Variants in PAPPA2 observed in about 807,000 individuals in gnomAD.
The protein encoded by PAPPA2 is pappalysin-2.
A neutral mutation model predicts 176.4 loss-of-function variants in PAPPA2; 86 were observed. The ratio of observed to expected loss-of-function variants is 0.49; its 90% CI spans 0.41 to 0.58. PAPPA2 has a LOEUF of 0.58. Among genes scored for constraint, PAPPA2 ranks in the 20% least tolerant of loss-of-function variants. The pLI, the probability that PAPPA2 is intolerant of heterozygous loss-of-function variation, is 0.00. For synonymous variants in PAPPA2, 809 were observed against 852.2 expected (o/e 0.95, Z 0.88); for missense variants, 2,073 against 2,256.9 (o/e 0.92, Z 1.65).
chr1:176,615,597 G>A (rs1655160095), intron 3 of PAPPA2, among the ~76,000 whole-genome samples: 1 of 152,174 alleles, frequency 6.6e-6, no homozygotes, highest in Non-Finnish European at 1.5e-5. Flanking sequence ...AAAGTGTTGG[G>A]ATTACAGGCG....
chr1:176,613,596 C>A (rs1352817471), intron 3 of PAPPA2, among the ~76,000 whole-genome samples: 2 of 152,196 alleles, frequency 1.3e-5, no homozygotes, highest in African/African-American at 4.8e-5. Flanking sequence ...TCAAAACTAT[C>A]TTTTGAGGCT....
intron 1 of PAPPA2, among the ~76,000 whole-genome samples, chr1:176,481,321 A>G (rs1652391955): frequency 6.6e-6 from 1 of 150,616 alleles, no homozygotes; most frequent in Admixed American, 6.7e-5. Flanking sequence ...CTTTTTGGCA[A>G]CAGGGCCATC....
intron 16 of PAPPA2, 52 bp from the exon 17 acceptor site, chr1:176,770,915 C>T (rs1571303254): frequency 1.3e-6 from 2 of 1,543,622 alleles, no homozygotes; most frequent in Middle Eastern, 2.2e-4. Flanking sequence ...CTATGATTAT[C>T]TTTCTGGGCT....
chr1:176,797,839 C>T (rs1259097451), intron 20 of PAPPA2, among the ~76,000 whole-genome samples: 1 of 151,992 alleles, frequency 6.6e-6, no homozygotes, highest in African/African-American at 2.4e-5. Context: ...TTGCTAAGTA[C>T]TTGTTTTATT....
At chr1:176,803,747 T>C (rs12145920) in intron 21 of PAPPA2, among the ~76,000 whole-genome samples, 18,639 of 152,296 alleles carry the variant, frequency 0.12, 1,506 homozygotes, top group Middle Eastern at 0.23. Flanking sequence ...ATTGTGTCTC[T>C]TCTGCTAAAA....
chr1:176,790,612 G>A (rs147492973), intron 18 of PAPPA2, among the ~76,000 whole-genome samples: 4 of 152,278 alleles, frequency 2.6e-5, no homozygotes, highest in Non-Finnish European at 4.4e-5. Context: ...GAACAGATGT[G>A]AAAAGAATAT....
intron 1 of PAPPA2, among the ~76,000 whole-genome samples, chr1:176,507,047 A>G (rs1356085246): frequency 6.6e-6 from 1 of 152,124 alleles, no homozygotes. Flanking sequence ...CATCCAACAA[A>G]GGTTTAATAT....
chr1:176,639,395 T>C (rs959037562), intron 3 of PAPPA2, among the ~76,000 whole-genome samples: 3 of 152,124 alleles, frequency 2.0e-5, no homozygotes, highest in African/African-American at 7.2e-5. Flanking sequence ...TTTTGTTACA[T>C]CATCTAAAAA....
chr1:176,836,764 G>C (rs1353754042), intron 21 of PAPPA2: 1 of 151,790 alleles, frequency 6.6e-6, no homozygotes, highest in Non-Finnish European at 1.5e-5. Flanking sequence ...TTTAACTCCT[G>C]TTCACATCTT....
chr1:176,569,947 T>A (rs1361034857), intron 2 of PAPPA2, among the ~76,000 whole-genome samples: 1 of 152,158 alleles, frequency 6.6e-6, no homozygotes. Context: ...TCCCCACAAA[T>A]CTAGGTATAC....
chr1:176,761,230 G>C (rs565445473), intron 14 of PAPPA2, among the ~76,000 whole-genome samples: 7 of 152,310 alleles, frequency 4.6e-5, no homozygotes, highest in African/African-American at 1.7e-4. Flanking sequence ...CTAGGGTTAT[G>C]TGTAGGTGGC....
chr1:176,521,893 G>A (rs1649234108), intron 1 of PAPPA2, among the ~76,000 whole-genome samples: 1 of 152,280 alleles, frequency 6.6e-6, no homozygotes, highest in South Asian at 2.1e-4. Flanking sequence ...AGGCATGAAC[G>A]AGAGAACCCC....
chr1:176,618,701 C>G (rs1655417125), intron 3 of PAPPA2, among the ~76,000 whole-genome samples: 1 of 152,168 alleles, frequency 6.6e-6, no homozygotes, highest in Non-Finnish European at 1.5e-5. Flanking sequence ...TTTACAGTCT[C>G]AAGTAATTCA....
chr1:176,640,409 T>C (rs1657004727), intron 3 of PAPPA2, among the ~76,000 whole-genome samples: 1 of 147,046 alleles, frequency 6.8e-6, no homozygotes, highest in Admixed American at 7.0e-5. Context: ...GTTCTCATTG[T>C]TCAATTCCCA....
Position 176,765,661 on chromosome 1 carries a change from C to T in PAPPA2, c.4152-5C>T, listed in dbSNP as rs1270105632. 9.3e-6 allele frequency: 15 copies of T among 1,613,144 alleles called. No homozygotes were observed. Among genetic ancestry groups the T allele is most frequent in the Non-Finnish European group, 1.2e-5 (14 of 1,179,470 alleles). On this transcript the variant is annotated splice_polypyrimidine_tract_variant and splice_region_variant and intron_variant, in intron 14 of 22. Coordinates refer to ENST00000367662, the MANE Select transcript of PAPPA2 (RefSeq NM_020318.3). ...CCTAAGATGGTTCTATTTCTCTTAT[C>T]CCAGCTGTATCCATCGGCCCTGTGG... is the stretch of plus-strand genomic sequence containing the variant.
chr1:176,628,203 G>C (rs1052498770), intron 3 of PAPPA2, among the ~76,000 whole-genome samples: 1 of 144,254 alleles, frequency 6.9e-6, no homozygotes, highest in Non-Finnish European at 1.5e-5. Flanking sequence ...CAATGAAATA[G>C]AGAAAGCAAG....
intron 1 of PAPPA2, among the ~76,000 whole-genome samples, chr1:176,495,592 G>A (rs1647564137): frequency 6.6e-6 from 1 of 151,500 alleles, no homozygotes; most frequent in African/African-American, 2.4e-5. Context: ...GCTAGAGGAT[G>A]GTGACTAGGA....
At chr1:176,550,303 TTAAG>T (rs1393381372) in intron 1 of PAPPA2, among the ~76,000 whole-genome samples, 5 of 152,312 alleles carry the variant, frequency 3.3e-5, no homozygotes, top group Non-Finnish European at 5.9e-5. Context: ...CAAATGTGGA[TTAAG>T]TAAGAGGAAA....
chr1:176,593,696 AT>A (rs1260726620), intron 2 of PAPPA2, among the ~76,000 whole-genome samples: 3 of 152,088 alleles, frequency 2.0e-5, no homozygotes, highest in South Asian at 4.2e-4. Context: ...ATTCCACTAG[AT>A]TTAATAGCCT....
Sources: allele counts gnomAD v4.1 joint callset (sites outside exome capture counted in the v4.1 genomes callset), GRCh38; gene constraint gnomAD v4.1.1; transcripts MANE v1.5; gene names NCBI Gene and HGNC (gene_info 2026-07-23, HGNC 2026-07-21).